The following UBE2E2 variants were observed in gnomAD, a reference collection of about 807,000 sequenced individuals.
UBE2E2 encodes the protein ubiquitin conjugating enzyme E2 E2, also known as ubiquitin-conjugating enzyme E2 E2.
A neutral mutation model predicts 24.7 loss-of-function variants in UBE2E2; 6 were observed. That is an observed-to-expected ratio of 0.24 (90% CI 0.13 to 0.48). The LOEUF (loss-of-function observed/expected upper bound fraction) is 0.48. Among genes scored for constraint, UBE2E2 ranks in the 20% least tolerant of loss-of-function variants. The pLI, the probability that UBE2E2 is intolerant of heterozygous loss-of-function variation, is 0.99. For synonymous variants in UBE2E2, 104 were observed against 83.6 expected, an observed-to-expected ratio of 1.24 and a Z score of -1.33; for missense variants, 169 against 245.0, an observed-to-expected ratio of 0.69 and a Z score of 2.07.
At chr3:23,554,856 TAAA>T (rs1474550052) in intron 5 of UBE2E2, among the ~76,000 whole-genome samples, 5 of 151,434 alleles carry the variant, frequency 3.3e-5, no homozygotes, top group Admixed American at 2.0e-4. Context: ...AATTTATTTT[TAAA>T]AAAACTCATA....
chr3:23,357,843 A>G lies in UBE2E2; in HGVS notation c.227+140531A>G, dbSNP rs996153982. 1.1e-4 allele frequency among the ~76,000 whole-genome samples: 13 copies of G among 120,834 alleles called. No individual in the cohort carries two copies. In the East Asian group the frequency reaches 1.3e-3, roughly 12 times the overall value. 79.3% of individuals were successfully genotyped at this position (120,834 alleles called of 152,430 possible). A position where few individuals can be genotyped will look rare whatever the true frequency, so the allele number is the denominator to read the frequency against. On this transcript the variant is annotated intron_variant, in intron 3 of 5. Transcript: ENST00000396703. Reference sequence around the variant, plus strand: ...AATCTTCGAAGACGGAAGGAAATCTATTTAATTTTTTTTGACACAAGGTCT... The same window carrying G: ...AATCTTCGAAGACGGAAGGAAATCTGTTTAATTTTTTTTGACACAAGGTCT...
At chr3:23,519,907 A>G (rs945886574) in intron 4 of UBE2E2, among the ~76,000 whole-genome samples, 3 of 151,756 alleles carry the variant, frequency 2.0e-5, no homozygotes, top group Non-Finnish European at 2.9e-5. Context: ...AGGTCTCTTA[A>G]CTCCCAGGCT....
chr3:23,246,390 T>A (rs1697402970), intron 3 of UBE2E2, among the ~76,000 whole-genome samples: 1 of 142,422 alleles, frequency 7.0e-6, no homozygotes, highest in African/African-American at 2.7e-5. Context: ...CTGGCTAATT[T>A]TTTTTTTTTT....
At chr3:23,468,501 TTAGGTATAG>T (rs753903378) in intron 3 of UBE2E2, among the ~76,000 whole-genome samples, 1 of 152,226 alleles carries the variant, frequency 6.6e-6, no homozygotes, top group Non-Finnish European at 1.5e-5. Flanking sequence ...TACATTTAGT[TTAGGTATAG>T]TTATACTATA....
intron 5 of UBE2E2, among the ~76,000 whole-genome samples, chr3:23,552,269 C>G (rs1323445477): frequency 6.6e-6 from 1 of 152,178 alleles, no homozygotes. Flanking sequence ...AGAAAGATCA[C>G]TGGAGCCCAG....
At chr3:23,552,302 A>G (rs1695664184) in intron 5 of UBE2E2, among the ~76,000 whole-genome samples, 1 of 152,160 alleles carries the variant, frequency 6.6e-6, no homozygotes, top group African/African-American at 2.4e-5. Context: ...GCACTGGGCC[A>G]AGATCAGGAC....
intron 3 of UBE2E2, among the ~76,000 whole-genome samples, chr3:23,245,118 G>A (rs936421530): frequency 5.9e-5 from 9 of 152,042 alleles, no homozygotes; most frequent in African/African-American, 2.2e-4. Context: ...TTTAGGTACT[G>A]TGGAGATACA....
chr3:23,293,516 T>TAA (rs1435565294), intron 3 of UBE2E2, among the ~76,000 whole-genome samples: 2 of 152,192 alleles, frequency 1.3e-5, no homozygotes, highest in African/African-American at 4.8e-5. Context: ...AATACGGTCT[T>TAA]ACGTTAAAAA....
intron 3 of UBE2E2, among the ~76,000 whole-genome samples, chr3:23,218,275 A>C (rs1696534035): frequency 6.6e-6 from 1 of 152,176 alleles, no homozygotes; most frequent in African/African-American, 2.4e-5. Context: ...TGGTTCTTCA[A>C]ATGAATCATG....
rs558026001 is a variant in UBE2E2 at position 23,342,752 on chromosome 3, G to A, written c.227+125440G>A. ...TAAATGAGTATTAGCATCACCCTGC[G>A]TTGATCAGGTGAATTTGATAGAAAT... is the stretch of plus-strand genomic sequence containing the variant. On this transcript the variant is annotated intron_variant, in intron 3 of 5. Coordinates refer to ENST00000396703, the MANE Select transcript of UBE2E2 (RefSeq NM_152653.4). Among the ~76,000 whole-genome samples, 11 of 152,190 alleles carry A rather than the reference G, an allele frequency of 7.2e-5. No individual in the cohort carries two copies. In the East Asian group the frequency reaches 1.2e-3, roughly 16 times the overall value.
At chr3:23,358,270 A>G (rs898747695) in intron 3 of UBE2E2, among the ~76,000 whole-genome samples, 4 of 151,980 alleles carry the variant, frequency 2.6e-5, no homozygotes, top group African/African-American at 9.7e-5. Context: ...GTCAGCAACT[A>G]CTGATTTCAT....
chr3:23,559,905 G>T (rs1049886740), intron 5 of UBE2E2, among the ~76,000 whole-genome samples: 2 of 152,042 alleles, frequency 1.3e-5, no homozygotes, highest in Non-Finnish European at 2.9e-5. Flanking sequence ...GTACATACTG[G>T]ACCTAATTTG....
At chr3:23,383,748 C>T (rs955524468) in intron 3 of UBE2E2, among the ~76,000 whole-genome samples, 2 of 151,502 alleles carry the variant, frequency 1.3e-5, no homozygotes, top group Non-Finnish European at 2.9e-5. Context: ...CTCAGTTTTT[C>T]CCTTTCTCTG....
chr3:23,206,930 A>G (rs894163927), intron 1 of UBE2E2, among the ~76,000 whole-genome samples: 15 of 152,352 alleles, frequency 9.8e-5, no homozygotes, highest in African/African-American at 3.6e-4. Context: ...AATTTGATTA[A>G]GAGTAATCAA....
At chr3:23,231,652 A>G (rs1412602483) in intron 3 of UBE2E2, among the ~76,000 whole-genome samples, 1 of 152,148 alleles carries the variant, frequency 6.6e-6, no homozygotes, top group African/African-American at 2.4e-5. Context: ...GCTTAGTCCC[A>G]AAAGATTGTA....
At chr3:23,354,879 G>A (rs1043080057) in intron 3 of UBE2E2, among the ~76,000 whole-genome samples, 6 of 152,114 alleles carry the variant, frequency 3.9e-5, no homozygotes, top group Admixed American at 1.3e-4. Flanking sequence ...CCATTACTGG[G>A]TATATACCCA....
intron 3 of UBE2E2, among the ~76,000 whole-genome samples, chr3:23,396,164 C>A (rs994571766): frequency 6.6e-6 from 1 of 151,162 alleles, no homozygotes; most frequent in Non-Finnish European, 1.5e-5. Context: ...ATAATTTCTT[C>A]TAGTATATGG....
chr3:23,556,423 G>A (rs1377697857), intron 5 of UBE2E2, among the ~76,000 whole-genome samples: 105 of 119,414 alleles, frequency 8.8e-4, no homozygotes, highest in Non-Finnish European at 1.4e-3. Context: ...TTACAGGCGT[G>A]AGCCACCATG....
intron 3 of UBE2E2, among the ~76,000 whole-genome samples, chr3:23,297,761 G>A (rs1698952925): frequency 1.3e-5 from 2 of 152,174 alleles, no homozygotes; most frequent in Admixed American, 6.5e-5. Flanking sequence ...GATTGACTTG[G>A]TGATGGGGGC....
Sources: gnomAD v4.1 joint callset for allele counts (sites outside exome capture counted in the v4.1 genomes callset) on GRCh38, gnomAD v4.1.1 for gene constraint, MANE v1.5 for transcripts, NCBI Gene and HGNC (gene_info 2026-07-23, HGNC 2026-07-21) for gene names.